Variants in USP48 observed in about 807,000 individuals in gnomAD.
USP48 encodes the protein ubiquitin specific peptidase 48, also known as ubiquitin carboxyl-terminal hydrolase 48.
Under a neutral mutation model 150.7 loss-of-function variants are expected in USP48, and 43 were observed. The ratio of observed to expected loss-of-function variants is 0.29; its 90% CI spans 0.22 to 0.37. USP48 has a LOEUF of 0.37. USP48 is among the 10% of genes least tolerant of loss of function. The pLI is 1.00. For synonymous variants in USP48, 396 were observed against 425.9 expected, an observed-to-expected ratio of 0.93 and a Z score of 0.86; for missense variants, 813 against 1,249.6, an observed-to-expected ratio of 0.65 and a Z score of 5.27.
chr1:21,749,827 T>C (rs368137731), intron 6 of USP48, among the ~76,000 whole-genome samples: 1 of 152,186 alleles, frequency 6.6e-6, no homozygotes, highest in East Asian at 1.9e-4. Context: ...GGTTTCAAAC[T>C]ACTGTTCTCA....
intron 22 of USP48, among the ~76,000 whole-genome samples, chr1:21,696,181 G>A (rs1245301113): frequency 6.6e-6 from 1 of 152,252 alleles, no homozygotes; most frequent in Non-Finnish European, 1.5e-5. Context: ...GCTCACGCCT[G>A]TAATCCCAAC....
At chr1:21,694,968 AAC>A in intron 23 of USP48, 96 bp downstream of exon 23, 6 of 1,254,350 alleles carry the variant, frequency 4.8e-6, no homozygotes, top group Non-Finnish European at 3.2e-6. Context: ...TCTGGAAAAA[AAC>A]ACAGATACAT....
intron 19 of USP48, among the ~76,000 whole-genome samples, chr1:21,704,942 C>T (rs578163243): frequency 2.7e-5 from 4 of 150,438 alleles, no homozygotes; most frequent in Non-Finnish European, 5.9e-5. Flanking sequence ...GCAATAACAA[C>T]GACAGGAAGA....
chr1:21,680,750 C>G, intron 26 of USP48, 58 bp downstream of exon 26: 1 of 1,497,300 alleles, frequency 6.7e-7, no homozygotes, highest in Non-Finnish European at 9.0e-7. Flanking sequence ...TTCGCTTTAA[C>G]AGAAAATTAC....
chr1:21,738,995 A>C (rs1035605545), intron 8 of USP48, among the ~76,000 whole-genome samples: 1 of 152,202 alleles, frequency 6.6e-6, no homozygotes, highest in African/African-American at 2.4e-5. Flanking sequence ...TTCTAAATGC[A>C]TTGTCAAGAA....
At position 21,728,606 on chromosome 1, in the gene USP48, C is replaced by T; in HGVS notation, c.1414G>A (p.Val472Ile). Reference sequence around the variant, plus strand: ...GGTAACCTTTGGTACAGCTCCTTAACCTCTTCGTGTTTTGCTTTTCCTTTA... The same window carrying T: ...GGTAACCTTTGGTACAGCTCCTTAATCTCTTCGTGTTTTGCTTTTCCTTTA... ...VDKGKAKHEE[V>I]KELYQRLPAG... The change falls in exon 11 of 27, where the codon GTT (valine) becomes ATT (isoleucine). Residue 472 changes from valine (V) to isoleucine (I), a missense_variant. By Grantham distance (29) the Val-to-Ile change is conservative. Coordinates refer to ENST00000308271, the MANE Select transcript of USP48 (RefSeq NM_032236.8). 1 of 1,614,122 alleles carries T rather than the reference C, an allele frequency of 6.2e-7. No homozygotes were observed. The highest frequency in any genetic ancestry group is 2.2e-5 in the East Asian group (1 of 44,868).
At chr1:21,691,179 T>A (rs899485065) in intron 23 of USP48, among the ~76,000 whole-genome samples, 1 of 151,754 alleles carries the variant, frequency 6.6e-6, no homozygotes. Context: ...CTGAGTATGG[T>A]GGCACATGCC....
chr1:21,689,266 T>C (rs534716569), intron 24 of USP48, among the ~76,000 whole-genome samples: 23 of 139,240 alleles, frequency 1.7e-4, no homozygotes, highest in African/African-American at 5.6e-4. Context: ...CAGACATCAG[T>C]ATCATTAGTG....
chr1:21,692,022 C>T (rs1433074001), intron 23 of USP48, among the ~76,000 whole-genome samples: 1 of 152,112 alleles, frequency 6.6e-6, no homozygotes, highest in Non-Finnish European at 1.5e-5. Context: ...GTGTGTGTAA[C>T]AGGGCCCAAG....
At chr1:21,704,233 T>C (rs750483550) in intron 20 of USP48, 29 bp downstream of exon 20, 11 of 1,603,260 alleles carry the variant, frequency 6.9e-6, no homozygotes, top group South Asian at 2.2e-5. Flanking sequence ...CTCTTAACTA[T>C]AGAAACCGAA....
At chr1:21,763,459 A>T (rs963181567) in intron 1 of USP48, among the ~76,000 whole-genome samples, 1 of 152,218 alleles carries the variant, frequency 6.6e-6, no homozygotes, top group Admixed American at 6.5e-5. Context: ...ACATAGCCCA[A>T]TATGGGGGGG....
chr1:21,741,709 G>A (rs1384674), intron 8 of USP48, among the ~76,000 whole-genome samples: 7,731 of 152,248 alleles, frequency 0.051, 242 homozygotes, highest in Middle Eastern at 0.058. Flanking sequence ...AGGTGTGGTG[G>A]TTCACGCCTG....
In USP48 at chr1:21,679,360, A is replaced by T. The variant is rs746901254; in HGVS notation, c.*57T>A. The T allele has an allele frequency of 6.8e-6, 11 of 1,609,156 alleles. No individual in the cohort carries two copies. Among genetic ancestry groups the T allele is most frequent in the Non-Finnish European group, 9.4e-6 (11 of 1,175,464 alleles). ...TCCACCTTTGCTTTAATGCCCTAAC[A>T]TGTCAAACTCCTCTTCCCCTCTGGT... On this transcript the variant is annotated 3_prime_UTR_variant, in exon 27 of 27. Transcript: ENST00000308271.
intron 1 of USP48, among the ~76,000 whole-genome samples, chr1:21,777,670 T>C (rs145842560): frequency 2.0e-5 from 3 of 151,834 alleles, no homozygotes; most frequent in African/African-American, 7.3e-5. Context: ...CCTGCTTCAC[T>C]GATAAGAATA....
chr1:21,690,331 T>TTACACAATTACACA (rs1242876519), intron 23 of USP48, among the ~76,000 whole-genome samples: 1 of 152,032 alleles, frequency 6.6e-6, no homozygotes, highest in African/African-American at 2.4e-5. Flanking sequence ...ATTACACATA[T>TTACACAATTACACA]AGATGCGTTT....
chr1:21,759,660 T>C (rs1000134886), intron 1 of USP48, among the ~76,000 whole-genome samples: 7 of 152,052 alleles, frequency 4.6e-5, no homozygotes, highest in African/African-American at 9.7e-5. Flanking sequence ...CTGGTCAAAT[T>C]TGGCAACAAA....
At chr1:21,697,340 T>C (rs952321415) in intron 22 of USP48, among the ~76,000 whole-genome samples, 1 of 150,504 alleles carries the variant, frequency 6.6e-6, no homozygotes. Flanking sequence ...TGAAACCCGA[T>C]GAAACATTTT....
rs1450013042 is a variant in USP48 at position 21,783,133 on chromosome 1, C to T, written c.-176G>A. On this transcript the variant is annotated 5_prime_UTR_variant, in exon 1 of 27. Transcript: ENST00000308271. ...TGCCGCCGCGCCCGCCCGCGCCCGA[C>T]CCGCACGACCGGCCGCAAAGCGCCG... is the stretch of plus-strand genomic sequence containing the variant. 3.0e-6 allele frequency: 3 copies of T among 995,148 alleles called. No homozygotes were observed. Among genetic ancestry groups the T allele is most frequent in the Non-Finnish European group, 2.7e-6 (2 of 748,094 alleles). The allele number at this position is 995,148 out of a possible 1,614,324, so 61.6% of individuals were successfully genotyped here.
chr1:21,764,866 C>T (rs2097858179), intron 1 of USP48, among the ~76,000 whole-genome samples: 1 of 152,116 alleles, frequency 6.6e-6, no homozygotes, highest in Admixed American at 6.6e-5. Flanking sequence ...GCAACCAGCC[C>T]ATGTGGAGGC....
Sources: allele counts gnomAD v4.1 joint callset (sites outside exome capture counted in the v4.1 genomes callset), GRCh38; gene constraint gnomAD v4.1.1; transcripts MANE v1.5; gene names NCBI Gene and HGNC (gene_info 2026-07-23, HGNC 2026-07-21).